The following NTNG1 variants were observed in gnomAD, a reference collection of about 807,000 sequenced individuals.
NTNG1 encodes netrin-G1.
In NTNG1, 16 loss-of-function variants were observed where a neutral mutation model predicts 54.0. The ratio of observed to expected loss-of-function variants is 0.30; its 90% CI spans 0.20 to 0.45. The LOEUF (loss-of-function observed/expected upper bound fraction) is 0.45. Ranked by LOEUF, NTNG1 falls within the 20% of genes least tolerant of loss-of-function variation. NTNG1 has a pLI of 1.00. For missense variants in NTNG1, 530 were observed against 678.7 expected, an observed-to-expected ratio of 0.78 and a Z score of 2.43; for synonymous variants, 255 against 263.1, an observed-to-expected ratio of 0.97 and a Z score of 0.30.
intron 2 of NTNG1, among the ~76,000 whole-genome samples, chr1:107,237,730 C>T (rs1163518776): frequency 6.6e-6 from 1 of 152,152 alleles, no homozygotes; most frequent in African/African-American, 2.4e-5. Flanking sequence ...AGGGTTCAAA[C>T]CCCAAGTCTT....
chr1:107,383,354 C>T (rs1168710481), intron 3 of NTNG1, among the ~76,000 whole-genome samples: 2 of 151,950 alleles, frequency 1.3e-5, no homozygotes, highest in African/African-American at 4.8e-5. Context: ...CTCACAGTTT[C>T]CCCTATAAAA....
intron 7 of NTNG1, among the ~76,000 whole-genome samples, chr1:107,469,011 G>A (rs1023825626): frequency 4.7e-5 from 7 of 149,228 alleles, no homozygotes; most frequent in South Asian, 4.3e-4. Flanking sequence ...CAGGAGAATC[G>A]CTTGAATCCC....
intron 7 of NTNG1, among the ~76,000 whole-genome samples, chr1:107,453,841 G>A (rs973355646): frequency 1.3e-5 from 2 of 152,054 alleles, no homozygotes; most frequent in African/African-American, 4.8e-5. Flanking sequence ...CCCTGCAAAG[G>A]AGTGCTAATA....
intron 1 of NTNG1, among the ~76,000 whole-genome samples, chr1:107,142,450 G>A (rs1250967878): frequency 6.6e-6 from 1 of 151,998 alleles, no homozygotes; most frequent in Non-Finnish European, 1.5e-5. Flanking sequence ...ATCAGGTACA[G>A]ATTTCCAGTG....
intron 2 of NTNG1, among the ~76,000 whole-genome samples, chr1:107,231,465 T>C (rs1280884495): frequency 6.6e-6 from 1 of 152,220 alleles, no homozygotes; most frequent in Non-Finnish European, 1.5e-5. Flanking sequence ...CCATGTGTCT[T>C]CTCAACAGAT....
In NTNG1 at chr1:107,378,401, G is replaced by A. The variant is rs368971263; in HGVS notation, c.888-16753G>A. Among the ~76,000 whole-genome samples, 8 of 152,176 alleles carry A rather than the reference G, an allele frequency of 5.3e-5. No homozygotes were observed. The East Asian group carries it at 1.2e-3, about 22-fold the overall frequency. On this transcript the variant is annotated intron_variant, in intron 3 of 7. Coordinates refer to ENST00000370068, the MANE Select transcript of NTNG1 (RefSeq NM_001113226.3). ...AAGAGCCCTTTCTAAACAAGTGACC[G>A]GAATGTAAAAATCAGGGTCAGACAC...
chr1:107,188,481 A>G (rs1263513612), intron 2 of NTNG1, among the ~76,000 whole-genome samples: 1 of 152,170 alleles, frequency 6.6e-6, no homozygotes, highest in African/African-American at 2.4e-5. Context: ...AAATGCTCTC[A>G]CTGAAAGCTC....
intron 2 of NTNG1, among the ~76,000 whole-genome samples, chr1:107,185,383 C>T (rs1182304393): frequency 6.6e-6 from 1 of 152,102 alleles, no homozygotes; most frequent in African/African-American, 2.4e-5. Context: ...CCTTCCTTGG[C>T]TTGCAGCTGC....
chr1:107,232,533 T>C (rs1210546846), intron 2 of NTNG1, among the ~76,000 whole-genome samples: 1 of 152,228 alleles, frequency 6.6e-6, no homozygotes, highest in Non-Finnish European at 1.5e-5. Context: ...TCCTTTTAAA[T>C]GCATCATCAT....
intron 2 of NTNG1, among the ~76,000 whole-genome samples, chr1:107,215,444 G>A (rs1659886221): frequency 6.6e-6 from 1 of 152,128 alleles, no homozygotes; most frequent in African/African-American, 2.4e-5. Flanking sequence ...TTGACTGTAA[G>A]TGTTTGTCTT....
At chr1:107,279,772 C>T (rs550945853) in intron 2 of NTNG1, among the ~76,000 whole-genome samples, 26 of 152,200 alleles carry the variant, frequency 1.7e-4, no homozygotes, top group African/African-American at 6.0e-4. Flanking sequence ...TAAAGCATTA[C>T]TCCATTGGCT....
At chr1:107,446,316 T>G (rs1283053262) in intron 7 of NTNG1, among the ~76,000 whole-genome samples, 3 of 152,068 alleles carry the variant, frequency 2.0e-5, no homozygotes, top group Non-Finnish European at 4.4e-5. Flanking sequence ...TGAGCCAATT[T>G]AGCATCAATT....
chr1:107,435,938 A>G lies in NTNG1; in HGVS notation c.1256-727A>G, dbSNP rs369556398. ...TATCCTATATAAGAATGTGTGAGGAATCAAGAAAACACTGTATTCACCTTT... is the reference window on the plus strand; with the variant it reads ...TATCCTATATAAGAATGTGTGAGGAGTCAAGAAAACACTGTATTCACCTTT... On this transcript the variant is annotated intron_variant, in intron 6 of 7. Coordinates refer to ENST00000370068, the MANE Select transcript of NTNG1 (RefSeq NM_001113226.3). 7.2e-5 allele frequency among the ~76,000 whole-genome samples: 11 copies of G among 152,336 alleles called. No individual in the cohort carries two copies. In the East Asian group the frequency reaches 1.7e-3, roughly 24 times the overall value.
intron 2 of NTNG1, among the ~76,000 whole-genome samples, chr1:107,162,697 G>A (rs773306724): frequency 3.6e-4 from 54 of 152,038 alleles, no homozygotes; most frequent in African/African-American, 5.3e-4. Flanking sequence ...CTGGCCACCC[G>A]AATTAAAAGA....
intron 6 of NTNG1, among the ~76,000 whole-genome samples, chr1:107,433,510 C>A (rs1278195732): frequency 6.6e-6 from 1 of 152,184 alleles, no homozygotes; most frequent in Non-Finnish European, 1.5e-5. Context: ...AATAGCGCCA[C>A]TGCACTCCAG....
intron 3 of NTNG1, chr1:107,329,086 G>A (rs1368727061): frequency 6.6e-6 from 1 of 152,128 alleles, no homozygotes; most frequent in East Asian, 1.9e-4. Context: ...ATTATAGGTA[G>A]TTGACTGCCA....
intron 7 of NTNG1, among the ~76,000 whole-genome samples, chr1:107,460,657 A>T (rs1353311702): frequency 6.6e-6 from 1 of 152,150 alleles, no homozygotes; most frequent in Non-Finnish European, 1.5e-5. Flanking sequence ...TTTCACTTTT[A>T]TACCAAACTG....
At chr1:107,236,909 A>T (rs1198814260) in intron 2 of NTNG1, among the ~76,000 whole-genome samples, 1 of 152,158 alleles carries the variant, frequency 6.6e-6, no homozygotes, top group Non-Finnish European at 1.5e-5. Flanking sequence ...GTATGTCTTT[A>T]TCAGCAATGT....
chr1:107,160,312 A>G (rs759171295), intron 2 of NTNG1, among the ~76,000 whole-genome samples: 13 of 152,110 alleles, frequency 8.5e-5, no homozygotes, highest in African/African-American at 2.7e-4. Flanking sequence ...ACTCCTTTAT[A>G]TCCCTCACAA....
Sources: allele counts gnomAD v4.1 joint callset (sites outside exome capture counted in the v4.1 genomes callset), GRCh38; gene constraint gnomAD v4.1.1; transcripts MANE v1.5; gene names NCBI Gene and HGNC (gene_info 2026-07-23, HGNC 2026-07-21).